Variants in ANKS1B observed in about 807,000 individuals in gnomAD.
The protein encoded by ANKS1B is ankyrin repeat and sterile alpha motif domain containing 1B, also known as ankyrin repeat and sterile alpha motif domain-containing protein 1B.
A neutral mutation model predicts 148.3 loss-of-function variants in ANKS1B; 36 were observed. The observed-to-expected ratio is 0.24, with a 90% CI of 0.19 to 0.32. ANKS1B has a LOEUF of 0.32. Among genes scored for constraint, ANKS1B ranks in the 10% least tolerant of loss-of-function variants. The pLI is 1.00. For synonymous variants in ANKS1B, 542 were observed against 560.8 expected, an observed-to-expected ratio of 0.97 and a Z score of 0.47; for missense variants, 1,157 against 1,542.6, an observed-to-expected ratio of 0.75 and a Z score of 4.19.
At chr12:99,627,110 G>A (rs1387275784) in intron 9 of ANKS1B, among the ~76,000 whole-genome samples, 2 of 152,114 alleles carry the variant, frequency 1.3e-5, no homozygotes, top group Non-Finnish European at 2.9e-5. Context: ...GCAAGAAATA[G>A]GACTCCTTGA....
At chr12:99,553,128 T>C (rs1360191018) in intron 9 of ANKS1B, among the ~76,000 whole-genome samples, 1 of 152,032 alleles carries the variant, frequency 6.6e-6, no homozygotes, top group African/African-American at 2.4e-5. Flanking sequence ...TTTTTCACAA[T>C]AGTTGGAGCT....
chr12:99,653,295 T>C (rs2098434086), intron 9 of ANKS1B, among the ~76,000 whole-genome samples: 1 of 152,204 alleles, frequency 6.6e-6, no homozygotes, highest in Non-Finnish European at 1.5e-5. Context: ...GCTAATATAG[T>C]AAATACCCTG....
Position 99,010,763 on chromosome 12 carries a change from T to A in ANKS1B, c.2778+42394A>T, listed in dbSNP as rs546066726. Among the ~76,000 whole-genome samples the A allele has an allele frequency of 1.4e-3, 212 of 151,132 alleles. 3 individuals are homozygous for A. In the East Asian group the frequency reaches 0.019, roughly 13 times the overall value. On this transcript the variant is annotated intron_variant, in intron 17 of 26. Transcript: ENST00000683438. ...TATTATTATTATTATTATTATTATT[T>A]TTTTTTGAGACAGGGTCTCACTCTG...
intron 1 of ANKS1B, among the ~76,000 whole-genome samples, chr12:99,935,829 G>A (rs564121043): frequency 4.6e-5 from 7 of 152,192 alleles, no homozygotes; most frequent in African/African-American, 1.7e-4. Context: ...TCTACAGGAT[G>A]TGTACCCTAT....
intron 1 of ANKS1B, among the ~76,000 whole-genome samples, chr12:99,841,648 A>G (rs1311648845): frequency 3.9e-5 from 6 of 152,234 alleles, no homozygotes; most frequent in Admixed American, 3.9e-4. Context: ...TAAACCCTTA[A>G]TAAAATTCCA....
chr12:99,556,407 T>G (rs73381503), intron 9 of ANKS1B, among the ~76,000 whole-genome samples: 3,875 of 151,898 alleles, frequency 0.026, 122 homozygotes, highest in South Asian at 0.07. Context: ...TGATTTTTTT[T>G]GGGGGGGAGC....
intron 17 of ANKS1B, among the ~76,000 whole-genome samples, chr12:98,953,503 A>C (rs894803102): frequency 1.5e-4 from 22 of 142,168 alleles, no homozygotes; most frequent in Non-Finnish European, 3.3e-4. Flanking sequence ...CTTCCTTCAA[A>C]ATGTTTATCA....
intron 9 of ANKS1B, among the ~76,000 whole-genome samples, chr12:99,550,868 C>A (rs1442288187): frequency 6.6e-6 from 1 of 152,198 alleles, no homozygotes; most frequent in Non-Finnish European, 1.5e-5. Context: ...TCTTCCTTAT[C>A]CTGCAATCCC....
At chr12:98,946,938 T>TA (rs1567946212) in intron 17 of ANKS1B, among the ~76,000 whole-genome samples, 410 of 32,084 alleles carry the variant, frequency 0.013, 7 homozygotes, top group African/African-American at 0.043. Context: ...AGATCTTTTC[T>TA]CAAAAAAAAA....
chr12:99,917,423 A>T (rs1473276260), intron 1 of ANKS1B, among the ~76,000 whole-genome samples: 1 of 152,162 alleles, frequency 6.6e-6, no homozygotes, highest in Non-Finnish European at 1.5e-5. Flanking sequence ...GCATAAAAGC[A>T]TATACTCCCT....
chr12:99,402,020 C>A (rs558598985), intron 11 of ANKS1B, among the ~76,000 whole-genome samples: 1 of 146,594 alleles, frequency 6.8e-6, no homozygotes, highest in Non-Finnish European at 1.5e-5. Context: ...TTCCACAACA[C>A]TTGAAATATT....
intron 8 of ANKS1B, among the ~76,000 whole-genome samples, chr12:99,718,672 C>T (rs572107239): frequency 4.9e-4 from 74 of 152,304 alleles, no homozygotes; most frequent in African/African-American, 1.7e-3. Context: ...GCCTATCCAC[C>T]CCATGGTGCC....
In ANKS1B at chr12:98,801,830, A is replaced by T. The variant is rs560731131; in HGVS notation, c.3142-705T>A. On this transcript the variant is annotated intron_variant, in intron 20 of 26. Transcript: ENST00000683438. This position sits in a 1 kb window ranked among gnomAD's most constrained non-coding sequence, Gnocchi z 5.2. ...GATTCTGATTCACAAATACAAGCAC[A>T]TTCCCAAATGATGGTATATCATATG... is the stretch of plus-strand genomic sequence containing the variant. 6.8e-4 allele frequency among the ~76,000 whole-genome samples: 103 copies of T among 152,362 alleles called. No homozygotes were observed. The highest frequency in any genetic ancestry group is 2.4e-3 in the Admixed American group (36 of 15,298).
At chr12:98,973,993 G>A (rs1166668478) in intron 17 of ANKS1B, among the ~76,000 whole-genome samples, 2 of 152,148 alleles carry the variant, frequency 1.3e-5, no homozygotes, top group African/African-American at 4.8e-5. Context: ...CATCCACTGG[G>A]TGGGGATGCG....
chr12:98,830,712 A>G (rs565342265), intron 18 of ANKS1B, among the ~76,000 whole-genome samples: 2 of 152,322 alleles, frequency 1.3e-5, no homozygotes, highest in Admixed American at 1.3e-4. Context: ...TAGAGAGCAG[A>G]GTGGGCACCC....
chr12:99,680,880 C>A (rs556749328), intron 8 of ANKS1B, among the ~76,000 whole-genome samples: 1 of 152,120 alleles, frequency 6.6e-6, no homozygotes, highest in Non-Finnish European at 1.5e-5. Flanking sequence ...CCAGCTTTTC[C>A]CCACTTCCCT....
chr12:99,353,884 A>G (rs2091710810), intron 12 of ANKS1B, among the ~76,000 whole-genome samples: 1 of 152,160 alleles, frequency 6.6e-6, no homozygotes, highest in East Asian at 1.9e-4. Context: ...CACTTTGAGC[A>G]TTTATTTTAC....
intron 1 of ANKS1B, among the ~76,000 whole-genome samples, chr12:99,827,161 C>A (rs2083304831): frequency 1.3e-5 from 2 of 151,832 alleles, no homozygotes; most frequent in South Asian, 4.1e-4. Flanking sequence ...GGAGGCATCA[C>A]ACATCCAGAT....
intron 17 of ANKS1B, among the ~76,000 whole-genome samples, chr12:98,892,934 C>T (rs1008627234): frequency 3.9e-5 from 6 of 152,100 alleles, no homozygotes; most frequent in African/African-American, 1.4e-4. Context: ...CAAACTGCAC[C>T]AAGCAAAGTA....
Sources: gnomAD v4.1 joint callset for allele counts (sites outside exome capture counted in the v4.1 genomes callset) on GRCh38, gnomAD v4.1.1 for gene constraint, Gnocchi (gnomAD v3.1) non-coding constraint, MANE v1.5 for transcripts, NCBI Gene and HGNC (gene_info 2026-07-23, HGNC 2026-07-21) for gene names.